Variants in NELL1 observed in about 807,000 individuals in gnomAD.
NELL1 encodes neural EGFL like 1, also known as protein kinase C-binding protein NELL1.
Under a neutral mutation model 107.4 loss-of-function variants are expected in NELL1, and 76 were observed. The observed-to-expected ratio is 0.71, with a 90% CI of 0.59 to 0.86. NELL1 has a LOEUF of 0.86. Among genes scored for constraint, NELL1 ranks in the 40% least tolerant of loss-of-function variants. The pLI, the probability that NELL1 is intolerant of heterozygous loss-of-function variation, is 0.00. For synonymous variants in NELL1, 353 were observed against 341.2 expected, an observed-to-expected ratio of 1.03 and a Z score of -0.38; for missense variants, 1,024 against 1,005.5, an observed-to-expected ratio of 1.02 and a Z score of -0.25.
At chr11:21,238,073 T>A (rs1451929745) in intron 14 of NELL1, among the ~76,000 whole-genome samples, 2 of 152,028 alleles carry the variant, frequency 1.3e-5, no homozygotes, top group African/African-American at 2.4e-5. Context: ...CCAAACAGGA[T>A]CCTTGATTCC....
chr11:21,224,608 A>T (rs532039801), intron 13 of NELL1, among the ~76,000 whole-genome samples: 23 of 152,228 alleles, frequency 1.5e-4, no homozygotes, highest in African/African-American at 5.1e-4. Context: ...TGTTTACTTA[A>T]TGGTGGCCCA....
chr11:20,988,607 C>CTT (rs906224990), intron 12 of NELL1, among the ~76,000 whole-genome samples: 1 of 143,842 alleles, frequency 7.0e-6, no homozygotes, highest in African/African-American at 2.5e-5. Context: ...TTGTTCTTTT[C>CTT]TTTTTTTTTT....
At chr11:21,441,330 CGTGTGTGTGT>C (rs201892977) in intron 15 of NELL1, among the ~76,000 whole-genome samples, 256 of 140,238 alleles carry the variant, frequency 1.8e-3, no homozygotes, top group Middle Eastern at 0.018. Flanking sequence ...GAGGCTGTGA[CGTGTGTGTGT>C]GTGTGTGTGT....
intron 14 of NELL1, among the ~76,000 whole-genome samples, chr11:21,274,458 TA>T (rs1284630983): frequency 6.6e-6 from 1 of 152,150 alleles, no homozygotes; most frequent in Non-Finnish European, 1.5e-5. Flanking sequence ...TGGGAGACTT[TA>T]ACACCCCACT....
At chr11:20,800,173 G>A (rs1388246954) in intron 3 of NELL1, among the ~76,000 whole-genome samples, 1 of 152,188 alleles carries the variant, frequency 6.6e-6, no homozygotes, top group Non-Finnish European at 1.5e-5. Flanking sequence ...GAACATACTA[G>A]TGTATGTGTC....
chr11:20,965,314 A>G (rs1402852797), intron 12 of NELL1, among the ~76,000 whole-genome samples: 1 of 152,246 alleles, frequency 6.6e-6, no homozygotes, highest in Non-Finnish European at 1.5e-5. Context: ...ATTGTCTGGT[A>G]TTCACTAAAT....
At chr11:20,695,457 G>T (rs1040798221) in intron 2 of NELL1, among the ~76,000 whole-genome samples, 1 of 151,968 alleles carries the variant, frequency 6.6e-6, no homozygotes, top group Non-Finnish European at 1.5e-5. Flanking sequence ...TTATTTTGAG[G>T]TATGTTCCTT....
At chr11:21,158,512 A>C (rs1221467033) in intron 13 of NELL1, among the ~76,000 whole-genome samples, 9 of 152,182 alleles carry the variant, frequency 5.9e-5, no homozygotes, top group African/African-American at 2.2e-4. Context: ...ACTTTACATA[A>C]ATACATAATC....
chr11:21,006,099 A>G (rs1169886589), intron 12 of NELL1, among the ~76,000 whole-genome samples: 3 of 152,142 alleles, frequency 2.0e-5, no homozygotes, highest in African/African-American at 7.2e-5. Flanking sequence ...GTGAAGTTCC[A>G]GGATGAGATC....
chr11:20,781,155 G>A (rs543152015), intron 2 of NELL1, among the ~76,000 whole-genome samples: 2 of 152,264 alleles, frequency 1.3e-5, no homozygotes, highest in South Asian at 4.1e-4. Context: ...AAGTTGGGAA[G>A]AAGTGGACAG....
intron 15 of NELL1, among the ~76,000 whole-genome samples, chr11:21,500,384 T>G (rs988252444): frequency 3.9e-5 from 6 of 152,176 alleles, no homozygotes; most frequent in African/African-American, 1.2e-4. Context: ...TTCTAAATTC[T>G]CTGTAAGTAC....
chr11:21,433,991 T>C (rs1853037799), intron 15 of NELL1, among the ~76,000 whole-genome samples: 2 of 152,204 alleles, frequency 1.3e-5, no homozygotes, highest in Admixed American at 6.5e-5. Flanking sequence ...TTGTATGTCT[T>C]ATTTTGAAAC....
intron 11 of NELL1, among the ~76,000 whole-genome samples, chr11:20,956,429 G>A (rs1851172462): frequency 6.6e-6 from 1 of 152,002 alleles, no homozygotes; most frequent in African/African-American, 2.4e-5. Context: ...GGTAGATCAC[G>A]AGGTCAGGAG....
At chr11:20,745,808 T>A (rs1243648434) in intron 2 of NELL1, among the ~76,000 whole-genome samples, 1 of 152,156 alleles carries the variant, frequency 6.6e-6, no homozygotes, top group Non-Finnish European at 1.5e-5. Context: ...ATGAGGACAT[T>A]GAGGCTCAAA....
intron 5 of NELL1, among the ~76,000 whole-genome samples, chr11:20,905,831 G>A (rs184039126): frequency 3.9e-4 from 60 of 152,266 alleles, no homozygotes; most frequent in Non-Finnish European, 6.5e-4. Flanking sequence ...CACCGGGGGT[G>A]TCTCAGATGG....
At chr11:20,920,255 GA>G (rs879914500) in intron 7 of NELL1, among the ~76,000 whole-genome samples, 1 of 152,034 alleles carries the variant, frequency 6.6e-6, no homozygotes, top group African/African-American at 2.4e-5. Flanking sequence ...CAATGAAAAT[GA>G]TACATTAATC....
chr11:21,037,398 C>T lies in NELL1; in HGVS notation c.1301-76191C>T, dbSNP rs1853122024. 3.9e-5 allele frequency among the ~76,000 whole-genome samples: 6 copies of T among 151,906 alleles called. No individual in the cohort carries two copies. In the South Asian group the frequency reaches 1.2e-3, roughly 32 times the overall value. ...ACTCTACACAAATAAATAAATTTGA[C>T]CTTGAAACTGTCAGTGTAGGCCTGT... On this transcript the variant is annotated intron_variant, in intron 12 of 19. Coordinates refer to ENST00000357134, the MANE Select transcript of NELL1 (RefSeq NM_006157.5).
intron 12 of NELL1, among the ~76,000 whole-genome samples, chr11:21,018,666 T>A (rs976390114): frequency 1.3e-5 from 2 of 152,088 alleles, no homozygotes; most frequent in East Asian, 3.9e-4. Flanking sequence ...TGGGTGCCCA[T>A]GTCAACGTGA....
intron 12 of NELL1, chr11:21,001,000 T>C (rs1852206491): frequency 1.3e-5 from 2 of 152,206 alleles, no homozygotes; most frequent in Non-Finnish European, 2.9e-5. Flanking sequence ...TGCTGGGCCA[T>C]GTAAGCAGGG....
Sources: gnomAD v4.1 joint callset for allele counts (sites outside exome capture counted in the v4.1 genomes callset) on GRCh38, gnomAD v4.1.1 for gene constraint, MANE v1.5 for transcripts, NCBI Gene and HGNC (gene_info 2026-07-23, HGNC 2026-07-21) for gene names.